TMEM163: variants seen among roughly 807,000 people sequenced by gnomAD.
TMEM163 encodes transmembrane protein 163.
TMEM163 carries 17 observed loss-of-function variants against 29.3 expected under a neutral mutation model. The ratio of observed to expected loss-of-function variants is 0.58; its 90% CI spans 0.40 to 0.87. The LOEUF is 0.87. Ranked by LOEUF, TMEM163 falls within the 40% of genes least tolerant of loss-of-function variation. The pLI, the probability that TMEM163 is intolerant of heterozygous loss-of-function variation, is 0.00. For synonymous variants in TMEM163, 157 were observed against 160.6 expected, an observed-to-expected ratio of 0.98 and a Z score of 0.17; for missense variants, 303 against 381.5, an observed-to-expected ratio of 0.79 and a Z score of 1.71.
chr2:134,549,860 TTGTG>T (rs59083525), intron 4 of TMEM163, among the ~76,000 whole-genome samples: 7 of 150,140 alleles, frequency 4.7e-5, no homozygotes, highest in East Asian at 2.0e-4. Context: ...GTGTGTGTGT[TTGTG>T]TGTGTGTGTG....
At chr2:134,552,172 T>A in intron 2 of TMEM163, 81 bp from the exon 3 acceptor site, 1 of 1,096,136 alleles carries the variant, frequency 9.1e-7, no homozygotes, top group Non-Finnish European at 1.3e-6. Context: ...CATGGCCTTT[T>A]AAACATCAGT....
intron 4 of TMEM163, among the ~76,000 whole-genome samples, chr2:134,539,148 T>C (rs1680605139): frequency 1.3e-5 from 2 of 152,108 alleles, no homozygotes; most frequent in African/African-American, 4.8e-5. Flanking sequence ...TCTTACAAAG[T>C]GGGTAGGAAC....
At chr2:134,639,350 A>T (rs946163663) in intron 2 of TMEM163, among the ~76,000 whole-genome samples, 5 of 152,244 alleles carry the variant, frequency 3.3e-5, no homozygotes, top group Admixed American at 3.3e-4. Flanking sequence ...AAATCTCAGG[A>T]CAACTGGTCC....
intron 4 of TMEM163, among the ~76,000 whole-genome samples, chr2:134,511,248 T>C (rs1057045354): frequency 6.6e-6 from 1 of 151,896 alleles, no homozygotes; most frequent in African/African-American, 2.4e-5. Context: ...GAGTCAGCTC[T>C]GCAGCCACCT....
rs554204322 is a variant in TMEM163, at chr2:134,654,093, G to A, written c.322+59107C>T. ...TGGTGCAGAGCTGAGTTCAATTCCT[G>A]GGTATCCTTGTTGACTTTCTGTCTC... is the stretch of plus-strand genomic sequence containing the variant. On this transcript the variant is annotated intron_variant, in intron 2 of 7. Coordinates refer to ENST00000281924, the MANE Select transcript of TMEM163 (RefSeq NM_030923.5). 4.1e-4 allele frequency among the ~76,000 whole-genome samples: 34 copies of A among 82,924 alleles called. 3 individuals are homozygous for A. The East Asian group carries it at 6.8e-3, about 17-fold the overall frequency. The allele number at this position is 82,924 out of a possible 152,430, so 54.4% of individuals were successfully genotyped here.
intron 5 of TMEM163, 114 bp from the exon 6 acceptor site, chr2:134,466,339 G>A: frequency 2.5e-6 from 2 of 786,564 alleles, no homozygotes; most frequent in South Asian, 3.3e-5. Flanking sequence ...CAGGTGTGCT[G>A]CCACCAGGTG....
At chr2:134,674,429 C>T (rs560283698) in intron 2 of TMEM163, among the ~76,000 whole-genome samples, 19 of 150,194 alleles carry the variant, frequency 1.3e-4, no homozygotes, top group Admixed American at 3.3e-4. Context: ...CTGAAACTCC[C>T]GCCTCCCGGG....
At position 134,718,812 on chromosome 2, in the gene TMEM163, C is replaced by A; in HGVS notation, c.124G>T (p.Glu42Ter). Residue 42 changes from glutamate to a stop codon, truncating the protein, a stop_gained, in exon 1 of 8, where the codon GAG becomes TAG. Coordinates refer to ENST00000281924, the MANE Select transcript of TMEM163 (RefSeq NM_030923.5). LOFTEE classifies it high-confidence loss of function. ...GPAPLSSPVR[E>*]PPQLEEERQV... ...CGCTCCTCCTCCAGCTGGGGCGGCT[C>A]GCGCACCGGGGAGCTCAGCGGGGCC... 8.8e-7 allele frequency: 1 copy of A among 1,139,322 alleles called. No homozygotes were observed. Among genetic ancestry groups the A allele is most frequent in the Non-Finnish European group, 1.1e-6 (1 of 929,084 alleles). 70.6% of individuals were successfully genotyped at this position (1,139,322 alleles called of 1,614,324 possible).
chr2:134,544,047 G>C (rs1680730155), intron 4 of TMEM163, among the ~76,000 whole-genome samples: 1 of 152,162 alleles, frequency 6.6e-6, no homozygotes, highest in South Asian at 2.1e-4. Context: ...GACAGCCCAG[G>C]AGACAGCTGG....
At chr2:134,639,302 A>ATTGAAGAAGGCAGAATT (rs1489576001) in intron 2 of TMEM163, among the ~76,000 whole-genome samples, 2 of 152,232 alleles carry the variant, frequency 1.3e-5, no homozygotes, top group Non-Finnish European at 1.5e-5. Context: ...AAGGCAGAAT[A>ATTGAAGAAGGCAGAATT]TTGAAGAAGA....
At chr2:134,687,046 C>T (rs967378864) in intron 2 of TMEM163, among the ~76,000 whole-genome samples, 7 of 152,162 alleles carry the variant, frequency 4.6e-5, no homozygotes, top group Admixed American at 1.3e-4. Flanking sequence ...AAGCAAACTG[C>T]CTTTTGCTCT....
intron 2 of TMEM163, among the ~76,000 whole-genome samples, chr2:134,561,403 T>C (rs1681179129): frequency 6.7e-6 from 1 of 150,122 alleles, no homozygotes; most frequent in Non-Finnish European, 1.5e-5. Context: ...GGAGACAGGG[T>C]TTCACCGTGT....
intron 4 of TMEM163, among the ~76,000 whole-genome samples, chr2:134,507,801 G>A (rs1016553886): frequency 6.6e-6 from 1 of 152,132 alleles, no homozygotes; most frequent in Non-Finnish European, 1.5e-5. Flanking sequence ...TGGCTATAGT[G>A]AGCCATGATC....
chr2:134,465,581 T>A (rs1347757150), intron 6 of TMEM163, among the ~76,000 whole-genome samples: 1 of 152,202 alleles, frequency 6.6e-6, no homozygotes, highest in Non-Finnish European at 1.5e-5. Flanking sequence ...TAAAGAAAGT[T>A]CCTCCTGTCC....
chr2:134,623,652 A>G (rs1051145556), intron 2 of TMEM163, among the ~76,000 whole-genome samples: 15 of 152,102 alleles, frequency 9.9e-5, no homozygotes, highest in African/African-American at 3.6e-4. Flanking sequence ...CTATAATCCC[A>G]GCTACTCGGG....
At chr2:134,696,800 T>C (rs1216158004) in intron 2 of TMEM163, among the ~76,000 whole-genome samples, 1 of 152,126 alleles carries the variant, frequency 6.6e-6, no homozygotes, top group African/African-American at 2.4e-5. Context: ...GCTTTTCTTT[T>C]GTTTTGCTCT....
intron 4 of TMEM163, among the ~76,000 whole-genome samples, chr2:134,536,236 T>A (rs1469825223): frequency 2.0e-5 from 3 of 152,118 alleles, no homozygotes; most frequent in Admixed American, 2.0e-4. Flanking sequence ...ACACCATTTT[T>A]TTTGCCTCTC....
chr2:134,574,468 G>A (rs1205383409), intron 2 of TMEM163, among the ~76,000 whole-genome samples: 3 of 152,142 alleles, frequency 2.0e-5, no homozygotes, highest in Non-Finnish European at 4.4e-5. Flanking sequence ...GCTAAGGCAG[G>A]AGAATCGCTT....
intron 2 of TMEM163, among the ~76,000 whole-genome samples, chr2:134,705,189 G>A (rs913018869): frequency 8.0e-5 from 12 of 149,668 alleles, no homozygotes; most frequent in South Asian, 2.1e-4. Context: ...CAGCCTGGGC[G>A]ACAGAGCAAG....
Sources: allele counts gnomAD v4.1 joint callset (sites outside exome capture counted in the v4.1 genomes callset), GRCh38; gene constraint gnomAD v4.1.1; transcripts MANE v1.5; gene names NCBI Gene and HGNC (gene_info 2026-07-23, HGNC 2026-07-21).